Variants in F2RL1 observed in about 807,000 individuals in gnomAD.
F2RL1 encodes the protein proteinase-activated receptor 2.
In F2RL1, 16 loss-of-function variants were observed where a neutral mutation model predicts 21.7. That is an observed-to-expected ratio of 0.74 (90% CI 0.50 to 1.12). The LOEUF (loss-of-function observed/expected upper bound fraction) is 1.12. Among genes scored for constraint, F2RL1 ranks in the 50% most tolerant of loss-of-function variants. The pLI, the probability that F2RL1 is intolerant of heterozygous loss-of-function variation, is 0.00. For synonymous variants in F2RL1, 181 were observed against 186.7 expected, an observed-to-expected ratio of 0.97 and a Z score of 0.25; for missense variants, 432 against 477.8, an observed-to-expected ratio of 0.90 and a Z score of 0.89.
chr5:76,829,893 T>C (rs1750319949), intron 1 of F2RL1, among the ~76,000 whole-genome samples: 1 of 151,948 alleles, frequency 6.6e-6, no homozygotes, highest in Admixed American at 6.6e-5. Context: ...TATGTAGGAA[T>C]TTTTTTTAAA....
chr5:76,827,325 C>CAAAAAAAAAAAAAAAAAAAA (rs764040748), intron 1 of F2RL1, among the ~76,000 whole-genome samples: 1 of 87,602 alleles, frequency 1.1e-5, no homozygotes, highest in African/African-American at 4.7e-5. Context: ...ACTAAAAATA[C>CAAAAAAAAAAAAAAAAAAAA]AAAAAAAAAA....
rs1395157914 is a variant in F2RL1, at chr5:76,834,964, G to T, written c.*1163G>T. 6.6e-6 allele frequency: 1 copy of T among 152,310 alleles called. No homozygotes were observed. Among genetic ancestry groups the T allele is most frequent in the Non-Finnish European group, 1.5e-5 (1 of 68,028 alleles). 9.4% of individuals were successfully genotyped at this position (152,310 alleles called of 1,614,324 possible). A position where few individuals can be genotyped will look rare whatever the true frequency, so the allele number is the denominator to read the frequency against. On this transcript the variant is annotated 3_prime_UTR_variant, in exon 2 of 2. Coordinates refer to ENST00000296677, the MANE Select transcript of F2RL1 (RefSeq NM_005242.6). ...TATTATTAAAGAAAAATGCAATCAG[G>T]ATTTTAAACATGTAAATACAAATTT...
At chr5:76,824,413 C>T (rs1046378029) in intron 1 of F2RL1, among the ~76,000 whole-genome samples, 1 of 151,660 alleles carries the variant, frequency 6.6e-6, no homozygotes, top group Admixed American at 6.6e-5. Flanking sequence ...CTCACTGCAA[C>T]CTCCGCCTCC....
intron 1 of F2RL1, among the ~76,000 whole-genome samples, chr5:76,821,135 C>T (rs1390469639): frequency 2.0e-5 from 3 of 152,080 alleles, no homozygotes; most frequent in Non-Finnish European, 4.4e-5. Flanking sequence ...CTCATAGAAA[C>T]GAACTCAGCC....
chr5:76,823,370 GT>G (rs70982642), intron 1 of F2RL1, among the ~76,000 whole-genome samples: 62,457 of 125,434 alleles, frequency 0.5, 14,714 homozygotes, highest in South Asian at 0.67. Context: ...TGGTTGGTTG[GT>G]TTTTTTTTTT....
chr5:76,823,056 C>G (rs1264175387), intron 1 of F2RL1, among the ~76,000 whole-genome samples: 1 of 152,104 alleles, frequency 6.6e-6, no homozygotes, highest in Non-Finnish European at 1.5e-5. Context: ...TGGTGAAACC[C>G]TGTCTCTACT....
chr5:76,819,040 C>T lies in F2RL1; in HGVS notation c.-143C>T. ...TCCTTCGGTTTCCCTGAAACCTAAC[C>T]CGCCCTGGGGAGGCGCGCAGCAGAG... On this transcript the variant is annotated 5_prime_UTR_variant, in exon 1 of 2. Transcript: ENST00000296677. The T allele has an allele frequency of 2.9e-6, 2 of 679,884 alleles. No homozygotes were observed. The highest frequency in any genetic ancestry group is 4.8e-6 in the Non-Finnish European group (2 of 412,482). The allele number at this position is 679,884 out of a possible 1,614,324, so 42.1% of individuals were successfully genotyped here. A position where few individuals can be genotyped will look rare whatever the true frequency, so the allele number is the denominator to read the frequency against.
chr5:76,819,945 T>C (rs1750098540), intron 1 of F2RL1, among the ~76,000 whole-genome samples: 2 of 152,280 alleles, frequency 1.3e-5, no homozygotes, highest in South Asian at 4.1e-4. Flanking sequence ...CTGGTGGTAA[T>C]GAGCGCTCAG....
At chr5:76,828,604 AC>A (rs1476400120) in intron 1 of F2RL1, among the ~76,000 whole-genome samples, 1 of 151,426 alleles carries the variant, frequency 6.6e-6, no homozygotes, top group Admixed American at 6.6e-5. Context: ...TCCTGTTTCA[AC>A]TTTCCAAGTA....
Position 76,833,901 on chromosome 5 carries a change from A to T in F2RL1, c.*100A>T, listed in dbSNP as rs1580937687. 6 of 1,314,026 alleles carry T rather than the reference A, an allele frequency of 4.6e-6. No individual in the cohort carries two copies. In the East Asian group the frequency reaches 1.4e-4, roughly 31 times the overall value. 81.4% of individuals were successfully genotyped at this position (1,314,026 alleles called of 1,614,324 possible). A position where few individuals can be genotyped will look rare whatever the true frequency, so the allele number is the denominator to read the frequency against. ...ATTTCCTAATCAAAAAGGTCTCACC[A>T]CATACCATGTGGATGCAGCACCTCT... On this transcript the variant is annotated 3_prime_UTR_variant, in exon 2 of 2. Transcript: ENST00000296677.
Position 76,833,946 on chromosome 5 carries a change from C to G in F2RL1, c.*145C>G, listed in dbSNP as rs534668337. On this transcript the variant is annotated 3_prime_UTR_variant, in exon 2 of 2. Transcript: ENST00000296677. ...ACCTCTCAGGATTGCTAGGAGCTCC[C>G]CTGTTTGCATGAGAAAAGTAGTCCC... 3 of 813,782 alleles carry G rather than the reference C, an allele frequency of 3.7e-6. No homozygotes were observed. Among genetic ancestry groups the G allele is most frequent in the Non-Finnish European group, 5.7e-6 (3 of 528,506 alleles). The allele number at this position is 813,782 out of a possible 1,614,324, so 50.4% of individuals were successfully genotyped here.
At chr5:76,825,317 C>T (rs951938132) in intron 1 of F2RL1, among the ~76,000 whole-genome samples, 3 of 151,968 alleles carry the variant, frequency 2.0e-5, no homozygotes, top group Non-Finnish European at 4.4e-5. Flanking sequence ...TTTCTTTTTT[C>T]AATTGACTGT....
chr5:76,824,582 C>A (rs1003338827), intron 1 of F2RL1, among the ~76,000 whole-genome samples: 2 of 152,148 alleles, frequency 1.3e-5, no homozygotes, highest in Non-Finnish European at 2.9e-5. Flanking sequence ...CCGCCTTAGC[C>A]TCCCAAAGTG....
intron 1 of F2RL1, among the ~76,000 whole-genome samples, chr5:76,827,829 C>A (rs553628287): frequency 6.6e-5 from 10 of 151,644 alleles, no homozygotes; most frequent in Non-Finnish European, 1.3e-4. Flanking sequence ...AAAACCCCGA[C>A]CTCGTGATCT....
intron 1 of F2RL1, among the ~76,000 whole-genome samples, chr5:76,820,492 G>A (rs375395004): frequency 6.6e-6 from 1 of 152,118 alleles, no homozygotes; most frequent in Non-Finnish European, 1.5e-5. Context: ...ACTGTGCACC[G>A]CTGGTATATT....
chr5:76,828,948 T>C (rs992161581), intron 1 of F2RL1, among the ~76,000 whole-genome samples: 1 of 151,984 alleles, frequency 6.6e-6, no homozygotes, highest in African/African-American at 2.4e-5. Context: ...AAACCCCATC[T>C]CTACTAAAAA....
intron 1 of F2RL1, among the ~76,000 whole-genome samples, chr5:76,825,693 G>C (rs1750226320): frequency 6.6e-6 from 1 of 152,180 alleles, no homozygotes; most frequent in African/African-American, 2.4e-5. Context: ...GTTTTGGTGA[G>C]TGGTAAGGAC....
At chr5:76,828,501 TAA>T (rs765361625) in intron 1 of F2RL1, among the ~76,000 whole-genome samples, 2 of 144,160 alleles carry the variant, frequency 1.4e-5, no homozygotes, top group African/African-American at 2.6e-5. Flanking sequence ...TTTTTTTTTT[TAA>T]TATAGAGACA....
In F2RL1 at chr5:76,819,268, A is replaced by G; in HGVS notation, c.82+4A>G. ...TCCTGCAGTGGCACCATCCAAGGTG[A>G]GAAACCTGGCCAAGGAGGGCTCTTA... On this transcript the variant is annotated splice_donor_region_variant and intron_variant, in intron 1 of 1. Transcript: ENST00000296677. 6.3e-7 allele frequency: 1 copy of G among 1,587,712 alleles called. No individual in the cohort carries two copies. Among genetic ancestry groups the G allele is most frequent in the South Asian group, 1.1e-5 (1 of 88,846 alleles).
Sources: allele counts gnomAD v4.1 joint callset (sites outside exome capture counted in the v4.1 genomes callset), GRCh38; gene constraint gnomAD v4.1.1; transcripts MANE v1.5; gene names NCBI Gene and HGNC (gene_info 2026-07-23, HGNC 2026-07-21).